PLAA: variants seen among roughly 807,000 people sequenced by gnomAD.
PLAA encodes phospholipase A2 activating protein.
A neutral mutation model predicts 84.1 loss-of-function variants in PLAA; 48 were observed. The observed-to-expected ratio is 0.57, with a 90% CI of 0.45 to 0.73. The LOEUF (loss-of-function observed/expected upper bound fraction) is 0.73. Among genes scored for constraint, PLAA ranks in the 30% least tolerant of loss-of-function variants. The probability of loss-of-function intolerance (pLI) is 0.00; values close to 1 mark genes in which losing one functional copy is unlikely to be tolerated. For synonymous variants in PLAA, 392 were observed against 336.6 expected (o/e 1.16, Z -1.80); for missense variants, 903 against 954.7 (o/e 0.95, Z 0.71).
intron 10 of PLAA, chr9:26,916,608 T>C (rs1824569483): frequency 1.0e-6 from 1 of 989,114 alleles, no homozygotes; most frequent in Non-Finnish European, 1.2e-6. Context: ...CTCCATCCAA[T>C]ATCAGGGCTC....
chr9:26,908,378 G>A (rs1437436713), intron 12 of PLAA, among the ~76,000 whole-genome samples: 1 of 151,946 alleles, frequency 6.6e-6, no homozygotes, highest in Non-Finnish European at 1.5e-5. Flanking sequence ...ACATTAGCCA[G>A]GATGGTCTCA....
chr9:26,905,476 A>T lies in PLAA; in HGVS notation c.*35T>A, dbSNP rs780139551. On this transcript the variant is annotated 3_prime_UTR_variant, in exon 14 of 14. Coordinates refer to ENST00000397292, the MANE Select transcript of PLAA (RefSeq NM_001031689.3). ...TGTCAAATGTGAGGAAAAAAACACT[A>T]ATCAATTAAAAATATCCGTCCCTCT... 1.4e-6 allele frequency: 2 copies of T among 1,413,502 alleles called. No individual in the cohort carries two copies. The highest frequency in any genetic ancestry group is 2.6e-5 in the South Asian group (2 of 76,302). The allele number at this position is 1,413,502 out of a possible 1,614,324, so 87.6% of individuals were successfully genotyped here.
At chr9:26,931,782 C>T (rs1825193100) in intron 2 of PLAA, among the ~76,000 whole-genome samples, 1 of 152,160 alleles carries the variant, frequency 6.6e-6, no homozygotes, top group African/African-American at 2.4e-5. Context: ...TGGCTCATGC[C>T]TGTAATCCCA....
chr9:26,933,578 G>T (rs2131409111), intron 2 of PLAA, among the ~76,000 whole-genome samples: 1 of 151,870 alleles, frequency 6.6e-6, no homozygotes, highest in South Asian at 2.1e-4. Context: ...CACAAGGTCA[G>T]GAGATCGAGA....
intron 11 of PLAA, 63 bp downstream of exon 11, chr9:26,913,816 T>C: frequency 8.3e-7 from 1 of 1,200,212 alleles, no homozygotes; most frequent in South Asian, 1.4e-5. Flanking sequence ...CTTACTCTTT[T>C]TATTAAAGTT....
chr9:26,938,319 G>A (rs1416187470), intron 1 of PLAA, among the ~76,000 whole-genome samples: 2 of 152,106 alleles, frequency 1.3e-5, no homozygotes, highest in South Asian at 2.1e-4. Context: ...GCTGCAGAGT[G>A]CTGCGACCAC....
At position 26,947,240 on chromosome 9, in the gene PLAA, C is replaced by G; in HGVS notation, c.-195G>C. 1 of 586,464 alleles carries G rather than the reference C, an allele frequency of 1.7e-6. No homozygotes were observed. The highest frequency in any genetic ancestry group is 2.9e-6 in the Non-Finnish European group (1 of 345,672). 36.3% of individuals were successfully genotyped at this position (586,464 alleles called of 1,614,324 possible). A position where few individuals can be genotyped will look rare whatever the true frequency, so the allele number is the denominator to read the frequency against. On this transcript the variant is annotated 5_prime_UTR_variant, in exon 1 of 14. Transcript: ENST00000397292. ...CGAGCGGGCCGAGTGACACAGCAAG[C>G]CTGACAGGCACTCCGGAATTCATCA... is the stretch of plus-strand genomic sequence containing the variant.
chr9:26,905,825 A>G lies in PLAA; in HGVS notation c.2074T>C (p.Ser692Pro). 1 of 1,614,194 alleles carries G rather than the reference A, an allele frequency of 6.2e-7. No homozygotes were observed. The highest frequency in any genetic ancestry group is 1.6e-4 in the Middle Eastern group (1 of 6,062). ...ATGTGAATGTTCTTATTGCTCCCTG[A>G]TTTCAGTTCTATTGCATGGGACATC... ...SLMSHAIELK[S>P]GSNKNIHIAL... The change falls in exon 14 of 14, where the codon TCA becomes CCA. Residue 692 changes from serine (S) to proline (P), a missense_variant. Physicochemically the swap from Ser to Pro is moderately conservative, Grantham distance 74 (BLOSUM62 -1). Transcript: ENST00000397292.
rs112768524 is a variant in PLAA, at chr9:26,923,260, G to A, written c.957C>T (p.His319=). ...EIKAFEKELS[H]ATIDSKTGDL... ...CGCCAGTTTTAGAATCAATGGTTGC[G>A]TGAGACAGTTCTTTTTCAAAAGCCT... The change falls in exon 7 of 14, where the codon CAC becomes CAT. Residue 319 remains histidine, a synonymous_variant. Transcript: ENST00000397292. The A allele has an allele frequency of 2.4e-3, 3,900 of 1,613,716 alleles. 72 individuals carry two copies. In the African/African-American group the frequency reaches 0.043, roughly 18 times the overall value.
intron 2 of PLAA, among the ~76,000 whole-genome samples, chr9:26,929,112 T>C (rs1417943680): frequency 2.0e-5 from 3 of 151,932 alleles, no homozygotes; most frequent in Non-Finnish European, 4.4e-5. Context: ...GGTGGGAGGA[T>C]TGCTTGAGCC....
chr9:26,923,421 T>C, intron 6 of PLAA, 74 bp from the exon 7 acceptor site: 2 of 1,056,264 alleles, frequency 1.9e-6, no homozygotes, highest in Admixed American at 2.3e-5. Flanking sequence ...GAATGATCCA[T>C]AGTAAAAATA....
chr9:26,924,087 C>G (rs955892063), intron 6 of PLAA, among the ~76,000 whole-genome samples: 5 of 152,124 alleles, frequency 3.3e-5, no homozygotes, highest in Non-Finnish European at 5.9e-5. Context: ...AATAAAACAC[C>G]CACTTTATTA....
intron 7 of PLAA, among the ~76,000 whole-genome samples, chr9:26,921,624 C>G (rs762763321): frequency 2.0e-5 from 3 of 152,242 alleles, no homozygotes; most frequent in Non-Finnish European, 4.4e-5. Context: ...TTAAACGCTA[C>G]AGTGTACAAT....
At chr9:26,932,112 A>C (rs190853622) in intron 2 of PLAA, among the ~76,000 whole-genome samples, 16 of 152,274 alleles carry the variant, frequency 1.1e-4, no homozygotes, top group Non-Finnish European at 1.6e-4. Flanking sequence ...AAAACAAACA[A>C]ACAAACAAAA....
Position 26,916,558 on chromosome 9 carries a change from T to A in PLAA, c.1486+539A>T, listed in dbSNP as rs1042866044. On this transcript the variant is annotated intron_variant, in intron 10 of 13. Coordinates refer to ENST00000397292, the MANE Select transcript of PLAA (RefSeq NM_001031689.3). The stretch of plus-strand genomic sequence containing the variant: ...TTGGGTGGAATGTCTCCTTCCATGT[T>A]AAGTCAAAATATGCCTGGGGAGACT... 3 of 987,018 alleles carry A rather than the reference T, an allele frequency of 3.0e-6. No individual in the cohort carries two copies. In the African/African-American group the frequency reaches 5.2e-5, roughly 17 times the overall value. The allele number at this position is 987,018 out of a possible 1,614,324, so 61.1% of individuals were successfully genotyped here.
intron 2 of PLAA, among the ~76,000 whole-genome samples, chr9:26,930,253 C>T (rs937037236): frequency 4.6e-5 from 7 of 152,002 alleles, no homozygotes; most frequent in South Asian, 2.1e-4. Flanking sequence ...CACAGGCGCC[C>T]GCCACCACGC....
At chr9:26,929,373 T>C (rs1030368294) in intron 2 of PLAA, among the ~76,000 whole-genome samples, 25 of 151,134 alleles carry the variant, frequency 1.7e-4, no homozygotes, top group African/African-American at 5.4e-4. Flanking sequence ...GCGCCTGTCG[T>C]CCCAGTAAGA....
At chr9:26,933,687 G>A (rs1330360340) in intron 2 of PLAA, among the ~76,000 whole-genome samples, 1 of 150,586 alleles carries the variant, frequency 6.6e-6, no homozygotes, top group Non-Finnish European at 1.5e-5. Flanking sequence ...TACTCGGCAG[G>A]CTGAGGCAGG....
chr9:26,922,780 C>A (rs1563911871), intron 7 of PLAA, among the ~76,000 whole-genome samples: 1 of 151,994 alleles, frequency 6.6e-6, no homozygotes, highest in Non-Finnish European at 1.5e-5. Context: ...CATCCTCCCA[C>A]CTCAGCCTCC....
Sources: gnomAD v4.1 joint callset for allele counts (sites outside exome capture counted in the v4.1 genomes callset) on GRCh38, gnomAD v4.1.1 for gene constraint, MANE v1.5 for transcripts, NCBI Gene and HGNC (gene_info 2026-07-23, HGNC 2026-07-21) for gene names.